The following MYO3A variants were observed in gnomAD, a reference collection of about 807,000 sequenced individuals.
MYO3A encodes the protein myosin IIIA, also known as myosin-IIIa.
Under a neutral mutation model 192.7 loss-of-function variants are expected in MYO3A, and 180 were observed. That is an observed-to-expected ratio of 0.93 (90% CI 0.83 to 1.06). The LOEUF is 1.06. Ranked by LOEUF, MYO3A falls within the 50% of genes least tolerant of loss-of-function variation. The pLI is 0.00. For missense variants in MYO3A, 1,896 were observed against 1,905.0 expected (o/e 1.00, Z 0.09); for synonymous variants, 628 against 645.3 (o/e 0.97, Z 0.41).
At chr10:26,123,917 C>T (rs1003572494) in intron 18 of MYO3A, among the ~76,000 whole-genome samples, 9 of 137,338 alleles carry the variant, frequency 6.6e-5, no homozygotes, top group Non-Finnish European at 1.5e-4. Flanking sequence ...CAGAGCAAGA[C>T]TCCATCTAAA....
Position 25,998,662 on chromosome 10 carries a change from C to A in MYO3A, c.508+1404C>A, listed in dbSNP as rs535572914. 3.3e-5 allele frequency among the ~76,000 whole-genome samples: 5 copies of A among 152,118 alleles called. No individual in the cohort carries two copies. The East Asian group carries it at 9.7e-4, about 29-fold the overall frequency. On this transcript the variant is annotated intron_variant, in intron 6 of 34. Transcript: ENST00000642920. The stretch of plus-strand genomic sequence containing the variant: ...AAGACAGACTCAAATGGAGAACTTG[C>A]TATTTAACTTGGGATCTCACAATTC...
chr10:26,076,826 G>C (rs896597336), intron 14 of MYO3A, among the ~76,000 whole-genome samples: 2 of 151,970 alleles, frequency 1.3e-5, no homozygotes, highest in Non-Finnish European at 2.9e-5. Flanking sequence ...TTTATTTCCA[G>C]GTTCTCTATT....
chr10:26,124,141 A>T lies in MYO3A; in HGVS notation c.1904-1257A>T, dbSNP rs144116406. ...GAGTTTGAGGCTGCAGTGAGCCATA[A>T]TTGTGCTGTAGCACACCAGCTTGGA... On this transcript the variant is annotated intron_variant, in intron 18 of 34. Coordinates refer to ENST00000642920, the MANE Select transcript of MYO3A (RefSeq NM_017433.5). Among the ~76,000 whole-genome samples, 1,333 of 142,614 alleles carry T rather than the reference A, an allele frequency of 9.3e-3. 12 individuals carry two copies. The highest frequency in any genetic ancestry group is 0.015 in the Non-Finnish European group (988 of 66,556). 93.6% of individuals were successfully genotyped at this position (142,614 alleles called of 152,430 possible).
chr10:26,048,151 AATTCAAACTGACATGCCCCTC>A (rs1434666702), intron 10 of MYO3A, among the ~76,000 whole-genome samples: 4 of 152,204 alleles, frequency 2.6e-5, no homozygotes, highest in African/African-American at 9.6e-5. Context: ...CTTTGAGTAG[AATTCAAACTGACATGCCCCTC>A]ATTCCTTACT....
chr10:26,035,842 AATTTT>A (rs1289223846), intron 10 of MYO3A, among the ~76,000 whole-genome samples: 6 of 152,104 alleles, frequency 3.9e-5, no homozygotes, highest in African/African-American at 9.7e-5. Context: ...TTTACACTTA[AATTTT>A]ATTTTATTTC....
chr10:25,995,366 A>G (rs1588727695), intron 4 of MYO3A, among the ~76,000 whole-genome samples: 1 of 152,094 alleles, frequency 6.6e-6, no homozygotes, highest in East Asian at 1.9e-4. Context: ...CAGGTCCTTT[A>G]AGGACTTCTC....
rs1336476570 is a variant in MYO3A at position 26,100,152 on chromosome 10, C to G, written c.1776+3470C>G. 2.6e-5 allele frequency among the ~76,000 whole-genome samples: 4 copies of G among 152,064 alleles called. No individual in the cohort carries two copies. In the South Asian group the frequency reaches 8.3e-4, roughly 32 times the overall value. On this transcript the variant is annotated intron_variant, in intron 17 of 34. Transcript: ENST00000642920. Reference sequence around the variant, plus strand: ...TTAGTCTTGGGAGGGTGTATGTGTCCAGGAATTTATCCATTTCTTCTAGAT... The same window carrying G: ...TTAGTCTTGGGAGGGTGTATGTGTCGAGGAATTTATCCATTTCTTCTAGAT...
At chr10:26,209,971 C>T (rs781220199) in intron 34 of MYO3A, among the ~76,000 whole-genome samples, 13 of 152,102 alleles carry the variant, frequency 8.5e-5, no homozygotes, top group Non-Finnish European at 4.4e-5. Flanking sequence ...GGCGTAGTGG[C>T]TCATGCCTGT....
chr10:26,089,864 C>T (rs925784266), intron 15 of MYO3A, among the ~76,000 whole-genome samples: 1 of 152,072 alleles, frequency 6.6e-6, no homozygotes, highest in African/African-American at 2.4e-5. Context: ...CAATGAATGG[C>T]ATATATTAAG....
At chr10:26,055,756 G>A (rs1445087332) in intron 10 of MYO3A, among the ~76,000 whole-genome samples, 2 of 152,206 alleles carry the variant, frequency 1.3e-5, no homozygotes, top group African/African-American at 4.8e-5. Flanking sequence ...AATAGGAGGG[G>A]AGTAGAGAAG....
intron 29 of MYO3A, among the ~76,000 whole-genome samples, chr10:26,173,426 A>G (rs1842152923): frequency 6.6e-6 from 1 of 152,210 alleles, no homozygotes; most frequent in African/African-American, 2.4e-5. Flanking sequence ...ATATGCTAGG[A>G]TATTTCTCAC....
chr10:26,076,869 C>T lies in MYO3A; in HGVS notation c.1359+6468C>T, dbSNP rs575084994. 3.5e-4 allele frequency among the ~76,000 whole-genome samples: 53 copies of T among 152,168 alleles called. No homozygotes were observed. The South Asian group carries it at 4.8e-3, about 14-fold the overall frequency. ...ATTGGTCTATGTGTCTATTTTTATA[C>T]GAGTACCATGCTGTTTTGGTGACTA... is the stretch of plus-strand genomic sequence containing the variant. On this transcript the variant is annotated intron_variant, in intron 14 of 34. Coordinates refer to ENST00000642920, the MANE Select transcript of MYO3A (RefSeq NM_017433.5).
rs149735294 is a variant in MYO3A at position 26,149,259 on chromosome 10, G to A, written c.2635+1700G>A. 4.6e-3 allele frequency among the ~76,000 whole-genome samples: 697 copies of A among 151,822 alleles called. 8 individuals carry two copies. The highest frequency in any genetic ancestry group is 0.016 in the African/African-American group (642 of 41,396). The stretch of plus-strand genomic sequence containing the variant: ...TGTTTTTCATGTTTTTTTTGAGACA[G>A]AGTCTCACACTGTTGCCCAGGCTAG... On this transcript the variant is annotated intron_variant, in intron 23 of 34. Transcript: ENST00000642920.
chr10:26,178,341 C>G (rs1219709503), intron 31 of MYO3A, among the ~76,000 whole-genome samples: 1 of 152,102 alleles, frequency 6.6e-6, no homozygotes, highest in Admixed American at 6.5e-5. Flanking sequence ...CATCTCAGGT[C>G]AGGAGTTCAA....
rs758422960 is a variant in MYO3A, at chr10:26,170,557, C to T, written c.3398+18C>T. 1 of 1,601,014 alleles carries T rather than the reference C, an allele frequency of 6.2e-7. No homozygotes were observed. Among genetic ancestry groups the T allele is most frequent in the Non-Finnish European group, 8.5e-7 (1 of 1,171,810 alleles). The stretch of plus-strand genomic sequence containing the variant: ...AATACAAGGTATAATGATGTTCATT[C>T]TTATACCGTTGTAACATATAGATTT... On this transcript the variant is annotated intron_variant, in intron 29 of 34. Transcript: ENST00000642920.
intron 23 of MYO3A, among the ~76,000 whole-genome samples, chr10:26,152,620 A>G (rs1341211197): frequency 6.6e-6 from 1 of 152,240 alleles, no homozygotes; most frequent in Non-Finnish European, 1.5e-5. Flanking sequence ...CAAAATGGAT[A>G]TATTTTCAGA....
At chr10:26,035,917 C>A (rs1241465276) in intron 10 of MYO3A, among the ~76,000 whole-genome samples, 1 of 151,782 alleles carries the variant, frequency 6.6e-6, no homozygotes, top group Non-Finnish European at 1.5e-5. Flanking sequence ...GTCAAGGAAT[C>A]TTTGTTCATG....
chr10:26,186,644 T>A (rs1225546310), intron 31 of MYO3A, among the ~76,000 whole-genome samples: 1 of 152,212 alleles, frequency 6.6e-6, no homozygotes, highest in Non-Finnish European at 1.5e-5. Context: ...CCTTATCTGC[T>A]AGTAAATTCA....
At chr10:26,013,885 A>G (rs1281146249) in intron 6 of MYO3A, among the ~76,000 whole-genome samples, 1 of 152,156 alleles carries the variant, frequency 6.6e-6, no homozygotes, top group East Asian at 1.9e-4. Flanking sequence ...GTGCCCATCA[A>G]CTAATGAATG....
Sources: gnomAD v4.1 joint callset for allele counts (sites outside exome capture counted in the v4.1 genomes callset) on GRCh38, gnomAD v4.1.1 for gene constraint, MANE v1.5 for transcripts, NCBI Gene and HGNC (gene_info 2026-07-23, HGNC 2026-07-21) for gene names.